C19orf67: variants seen among roughly 807,000 people sequenced by gnomAD.
The protein encoded by C19orf67 is chromosome 19 open reading frame 67, also known as UPF0575 protein C19orf67.
In C19orf67, 28 loss-of-function variants were observed where a neutral mutation model predicts 41.4. The observed-to-expected ratio is 0.68, with a 90% CI of 0.50 to 0.93. The LOEUF (loss-of-function observed/expected upper bound fraction) is 0.93, where lower values mean the gene tolerates loss of function less well. C19orf67 is among the 40% of genes least tolerant of loss of function. C19orf67 has a pLI of 0.00. For missense variants in C19orf67, 421 were observed against 467.0 expected (o/e 0.90, Z 0.91); for synonymous variants, 242 against 203.4 (o/e 1.19, Z -1.62).
At position 14,085,619 on chromosome 19, in the gene C19orf67, T is replaced by G. The variant is rs1423644153; in HGVS notation, c.9A>C (p.Thr3=). The change falls in exon 1 of 6, where the codon ACA becomes ACC. Residue 3 remains threonine (T), a synonymous_variant. Coordinates refer to ENST00000548523, the MANE Select transcript of C19orf67 (RefSeq NM_001277378.2). ...GGAGCGACCCCTCGAACCACTGCTC[T>G]GTAGCCATGGTAGGGCCGGGGGGCG... is the stretch of plus-strand genomic sequence containing the variant. MA[T]EQWFEGSLPL... is the part of the protein sequence containing the mutation. 3 of 1,532,954 alleles carry G rather than the reference T, an allele frequency of 2.0e-6. No individual in the cohort carries two copies. Among genetic ancestry groups the G allele is most frequent in the Non-Finnish European group, 2.6e-6 (3 of 1,145,090 alleles). The allele number at this position is 1,532,954 out of a possible 1,614,324, so 95.0% of individuals were successfully genotyped here.
intron 1 of C19orf67, among the ~76,000 whole-genome samples, chr19:14,084,262 C>T (rs1976818418): frequency 6.6e-6 from 1 of 152,012 alleles, no homozygotes; most frequent in Non-Finnish European, 1.5e-5. Flanking sequence ...GGCATGGTGG[C>T]ACCTGTAGTC....
intron 1 of C19orf67, among the ~76,000 whole-genome samples, chr19:14,084,628 CAA>C (rs1219730866): frequency 1.1e-4 from 16 of 152,186 alleles, no homozygotes; most frequent in African/African-American, 3.9e-4. Context: ...GTCAGGAGCT[CAA>C]GACCAGTCTG....
rs1290019770 is a variant in C19orf67 at position 14,082,519 on chromosome 19, G to A, written c.852C>T (p.Ser284=). 1.3e-6 allele frequency: 2 copies of A among 1,536,256 alleles called. No individual in the cohort carries two copies. The highest frequency in any genetic ancestry group is 1.2e-5 in the South Asian group (1 of 84,050). The change falls in exon 5 of 6, where the codon TCC becomes TCT. Residue 284 remains serine (S), a synonymous_variant. Transcript: ENST00000548523. ...NSCPQIQKLW[S]IGRWVPLGPA... ...GTCCTAGGGGCACCCATCGGCCGAT[G>A]GACCACAGCTTCTGGATCTGTGGGC...
Position 14,083,212 on chromosome 19 carries a change from CTTTGA to C in C19orf67, c.767+20_767+24del. The stretch of plus-strand genomic sequence containing the variant: ...GGCATTCATCATAGAAAGGGGAGGA[CTTTGA>C]TTTGGGTAAGAGGACTTACTAATCC... On this transcript the variant is annotated intron_variant, in intron 4 of 5. Coordinates refer to ENST00000548523, the MANE Select transcript of C19orf67 (RefSeq NM_001277378.2). 1 of 1,532,012 alleles carries C rather than the reference CTTTGA, an allele frequency of 6.5e-7. No homozygotes were observed. The allele number at this position is 1,532,012 out of a possible 1,614,324, so 94.9% of individuals were successfully genotyped here.
At position 14,083,345 on chromosome 19, in the gene C19orf67, G is replaced by A. The variant is rs1426683766; in HGVS notation, c.659C>T (p.Thr220Ile). The A allele has an allele frequency of 6.5e-7, 1 of 1,535,876 alleles. No homozygotes were observed. Among genetic ancestry groups the A allele is most frequent in the East Asian group, 2.4e-5 (1 of 40,926 alleles). Residue 220 changes from threonine (T) to isoleucine (I), a missense_variant, in exon 4 of 6, where the codon ACC becomes ATC. By Grantham distance (89) the Thr-to-Ile change is moderately conservative (BLOSUM62 -1). Transcript: ENST00000548523. ...GGGGAAGCGGCTGGCAGTGTAGGCG[G>A]TTGGGGCACAGTATCTGAAGATGGA... ...EVSIFRYCAPTAYTASRFPRY... is the reference protein window; with the variant it reads ...EVSIFRYCAPIAYTASRFPRY...
At chr19:14,082,156 T>C (rs1197515957) in intron 5 of C19orf67, 148 bp from the exon 6 acceptor site, 2 of 740,194 alleles carry the variant, frequency 2.7e-6, no homozygotes, top group Non-Finnish European at 4.2e-6. Flanking sequence ...CTTGTTTCCT[T>C]GTTGATCAGA....
intron 1 of C19orf67, 49 bp from the exon 2 acceptor site, chr19:14,083,926 C>T: frequency 1.6e-6 from 2 of 1,283,856 alleles, no homozygotes; most frequent in East Asian, 2.9e-5. Flanking sequence ...AACCCCTCCC[C>T]ACCCCGCAGT....
intron 4 of C19orf67, 146 bp downstream of exon 4, chr19:14,083,091 T>C (rs943840922): frequency 5.9e-6 from 4 of 680,872 alleles, no homozygotes; most frequent in Non-Finnish European, 7.4e-6. Flanking sequence ...TCCTCCTGCC[T>C]CGGCCTCCCA....
chr19:14,083,567 T>C lies in C19orf67; in HGVS notation c.519A>G (p.Glu173=), dbSNP rs1388114119. The C allele has an allele frequency of 6.5e-7, 1 of 1,536,042 alleles. No homozygotes were observed. The highest frequency in any genetic ancestry group is 8.7e-7 in the Non-Finnish European group (1 of 1,146,864). The change falls in exon 3 of 6, where the codon GAA becomes GAG. Residue 173 remains glutamate, a synonymous_variant. Coordinates refer to ENST00000548523, the MANE Select transcript of C19orf67 (RefSeq NM_001277378.2). ...AGGAAGCGTACATGAGGACCAGCTGTTCCAGGCGCAGGGTCAGCTGTTGGG... is the reference window on the plus strand; with the variant it reads ...AGGAAGCGTACATGAGGACCAGCTGCTCCAGGCGCAGGGTCAGCTGTTGGG... ...EISQQLTLRL[E]QLVLMYASFG...
Position 14,083,871 on chromosome 19 carries a change from G to T in C19orf67, c.342C>A (p.Asp114Glu), listed in dbSNP as rs1052039644. The change falls in exon 2 of 6, where the codon GAC becomes GAA. Residue 114 changes from aspartate to glutamate, a missense_variant. By Grantham distance (45) the Asp-to-Glu change is conservative. Around this residue, in one of 3 missense-constraint regions of C19orf67, gnomAD observed 8 missense variants for 20.7 expected, o/e 0.39. Coordinates refer to ENST00000548523, the MANE Select transcript of C19orf67 (RefSeq NM_001277378.2). ...TGGCCAGCTGCTCCTTCTGTACTTG[G>T]TCTCTGCTGAAGGAAGAAGGGGGCC... ...DFQSYLLYSR[D>E]QVQKEQLAKA... 1 of 1,352,068 alleles carries T rather than the reference G, an allele frequency of 7.4e-7. No individual in the cohort carries two copies. The highest frequency in any genetic ancestry group is 9.5e-7 in the Non-Finnish European group (1 of 1,051,442). 83.8% of individuals were successfully genotyped at this position (1,352,068 alleles called of 1,614,324 possible).
chr19:14,085,717 G>T lies in C19orf67; in HGVS notation c.-90C>A. 2 of 946,944 alleles carry T rather than the reference G, an allele frequency of 2.1e-6. No homozygotes were observed. Among genetic ancestry groups the T allele is most frequent in the Non-Finnish European group, 3.2e-6 (2 of 630,530 alleles). 58.7% of individuals were successfully genotyped at this position (946,944 alleles called of 1,614,324 possible). On this transcript the variant is annotated 5_prime_UTR_variant, in exon 1 of 6. Transcript: ENST00000548523. Reference sequence around the variant, plus strand: ...GTTCGACCCCGCCCCGGGAGCCTCCGACTGGCCCCTGCCTTGACCTCTCCA... The same window carrying T: ...GTTCGACCCCGCCCCGGGAGCCTCCTACTGGCCCCTGCCTTGACCTCTCCA...
At position 14,083,437 on chromosome 19, in the gene C19orf67, G is replaced by A. The variant is rs566240879; in HGVS notation, c.582-15C>T. On this transcript the variant is annotated splice_polypyrimidine_tract_variant and intron_variant, in intron 3 of 5. Transcript: ENST00000548523. ...AACAGGAGATGCTGGCGAGACATGA[G>A]AGAATGGAGGGGTGAGGCTGGGCCT... 3,869 of 1,530,868 alleles carry A rather than the reference G, an allele frequency of 2.5e-3. 7 individuals are homozygous for A. The highest frequency in any genetic ancestry group is 3.0e-3 in the Non-Finnish European group (3,393 of 1,142,852). 94.8% of individuals were successfully genotyped at this position (1,530,868 alleles called of 1,614,324 possible).
intron 5 of C19orf67, 63 bp downstream of exon 5, chr19:14,082,406 T>G: frequency 6.8e-7 from 1 of 1,467,532 alleles, no homozygotes; most frequent in Non-Finnish European, 9.0e-7. Flanking sequence ...TGGATTGTCT[T>G]TGGTGGGGTT....
chr19:14,083,120 C>T (rs550391225), intron 4 of C19orf67, 117 bp downstream of exon 4: 6 of 857,746 alleles, frequency 7.0e-6, no homozygotes, highest in Admixed American at 2.3e-5. Flanking sequence ...GGATTACAGG[C>T]GTGAGCCACT....
At position 14,085,222 on chromosome 19, in the gene C19orf67, TG is replaced by T. The variant is rs1976833983; in HGVS notation, c.335+70del. 6 of 1,306,230 alleles carry T rather than the reference TG, an allele frequency of 4.6e-6. No homozygotes were observed. In the Admixed American group the frequency reaches 1.2e-4, roughly 26 times the overall value. 80.9% of individuals were successfully genotyped at this position (1,306,230 alleles called of 1,614,324 possible). ...CTTGTAATTTTGCGACCCTGGTGTGTGTCACCCATCCTGTCGCCTCCCCTCC... is the reference window on the plus strand; with the variant it reads ...CTTGTAATTTTGCGACCCTGGTGTGTTCACCCATCCTGTCGCCTCCCCTCC... On this transcript the variant is annotated intron_variant, in intron 1 of 5. Coordinates refer to ENST00000548523, the MANE Select transcript of C19orf67 (RefSeq NM_001277378.2).
intron 1 of C19orf67, 105 bp from the exon 2 acceptor site, chr19:14,083,982 C>T: frequency 8.8e-7 from 1 of 1,132,068 alleles, no homozygotes; most frequent in South Asian, 4.2e-5. Context: ...GGCTTTGACC[C>T]ATTAGAAAAG....
At position 14,085,751 on chromosome 19, in the gene C19orf67, G is replaced by A. The variant is rs1976849951; in HGVS notation, c.-124C>T. ...CTGCCTTGACCTCTCCACCGGAGCCGCGCCGCCGCGCCGGGGGCCGTTCGC... is the reference window on the plus strand; with the variant it reads ...CTGCCTTGACCTCTCCACCGGAGCCACGCCGCCGCGCCGGGGGCCGTTCGC... On this transcript the variant is annotated 5_prime_UTR_variant, in exon 1 of 6. Coordinates refer to ENST00000548523, the MANE Select transcript of C19orf67 (RefSeq NM_001277378.2). The A allele has an allele frequency of 2.5e-5, 17 of 677,554 alleles. No individual in the cohort carries two copies. In the South Asian group the frequency reaches 2.6e-4, roughly 10 times the overall value. The allele number at this position is 677,554 out of a possible 1,614,324, so 42.0% of individuals were successfully genotyped here.
chr19:14,083,166 G>A, intron 4 of C19orf67, 71 bp downstream of exon 4: 1 of 1,367,028 alleles, frequency 7.3e-7, no homozygotes, highest in Non-Finnish European at 1.0e-6. Context: ...CTTTGCTGGT[G>A]ACGGTTTGGA....
chr19:14,084,214 A>G (rs1976817471), intron 1 of C19orf67, among the ~76,000 whole-genome samples: 1 of 151,952 alleles, frequency 6.6e-6, no homozygotes, highest in South Asian at 2.1e-4. Flanking sequence ...CCTAGGCAAC[A>G]TAGCAAGAAC....
Sources: gnomAD v4.1 joint callset for allele counts (sites outside exome capture counted in the v4.1 genomes callset) on GRCh38, gnomAD v4.1.1 for gene constraint, gnomAD v4.1.1 regional missense constraint, MANE v1.5 for transcripts, NCBI Gene and HGNC (gene_info 2026-07-23, HGNC 2026-07-21) for gene names.